IQGAP1: variants seen among roughly 807,000 people sequenced by gnomAD.
IQGAP1 encodes the protein ras GTPase-activating-like protein IQGAP1.
In IQGAP1, 66 loss-of-function variants were observed where a neutral mutation model predicts 215.6. That is an observed-to-expected ratio of 0.31 (90% confidence interval 0.25 to 0.38). The LOEUF is 0.38. Ranked by LOEUF, IQGAP1 falls within the 10% of genes least tolerant of loss-of-function variation. IQGAP1 has a pLI of 1.00. For synonymous variants in IQGAP1, 772 were observed against 728.7 expected, an observed-to-expected ratio of 1.06 and a Z score of -0.96; for missense variants, 1,712 against 1,997.1, an observed-to-expected ratio of 0.86 and a Z score of 2.72.
intron 2 of IQGAP1, among the ~76,000 whole-genome samples, chr15:90,407,277 T>C (rs1964893025): frequency 6.6e-6 from 1 of 152,180 alleles, no homozygotes; most frequent in African/African-American, 2.4e-5. Flanking sequence ...TAATTGGGAA[T>C]ACTGAGGCTA....
At chr15:90,426,637 T>C (rs1238677024) in intron 3 of IQGAP1, among the ~76,000 whole-genome samples, 1 of 152,036 alleles carries the variant, frequency 6.6e-6, no homozygotes, top group African/African-American at 2.4e-5. Context: ...GTAGAAGAAA[T>C]AACTAGGGGA....
chr15:90,466,611 C>A (rs187879844), intron 17 of IQGAP1, among the ~76,000 whole-genome samples, 175 bp downstream of exon 17: 23 of 150,872 alleles, frequency 1.5e-4, no homozygotes, highest in African/African-American at 5.2e-4. Flanking sequence ...CTTCCCCCCC[C>A]CCTTGTGGAC....
At chr15:90,432,590 A>G (rs148517733) in intron 4 of IQGAP1, among the ~76,000 whole-genome samples, 126 of 152,292 alleles carry the variant, frequency 8.3e-4, no homozygotes, top group East Asian at 7.5e-3. Flanking sequence ...GTTATTTTCT[A>G]GAACGTATTC....
chr15:90,498,409 T>A (rs950138151), intron 37 of IQGAP1, among the ~76,000 whole-genome samples: 2 of 152,194 alleles, frequency 1.3e-5, no homozygotes, highest in Non-Finnish European at 2.9e-5. Context: ...ACCAAATTAT[T>A]TTTTTAATTT....
In IQGAP1 at chr15:90,390,788, G is replaced by C; in HGVS notation, c.70G>C (p.Glu24Gln). The change falls in exon 2 of 38, where the codon GAA becomes CAA. Residue 24 changes from glutamate to glutamine, a missense_variant. By Grantham distance (29) the Glu-to-Gln change is conservative (BLOSUM62 2). Transcript: ENST00000268182. ...TTATGTTGTAGCTGTCCTGGATAAT[G>C]AAAGACTTACTGCAGAGGAGATGGA... The part of the protein sequence containing the change: ...RPHYGSVLDN[E>Q]RLTAEEMDER... 6.2e-7 allele frequency: 1 copy of C among 1,610,298 alleles called. No homozygotes were observed. The highest frequency in any genetic ancestry group is 8.5e-7 in the Non-Finnish European group (1 of 1,176,546).
At chr15:90,496,541 G>T (rs1966277074) in intron 36 of IQGAP1, among the ~76,000 whole-genome samples, 1 of 151,874 alleles carries the variant, frequency 6.6e-6, no homozygotes, top group African/African-American at 2.4e-5. Flanking sequence ...GGCCAGGATG[G>T]CCTCGATCTG....
intron 18 of IQGAP1, among the ~76,000 whole-genome samples, chr15:90,472,508 G>A (rs1012895294): frequency 1.3e-5 from 2 of 152,158 alleles, no homozygotes; most frequent in African/African-American, 4.8e-5. Context: ...TTGGGTACCT[G>A]TCACTCTGTT....
intron 2 of IQGAP1, among the ~76,000 whole-genome samples, chr15:90,413,509 G>A (rs1191198307): frequency 6.6e-6 from 1 of 152,158 alleles, no homozygotes; most frequent in African/African-American, 2.4e-5. Flanking sequence ...GACCATATTA[G>A]CCAATAGGTC....
At chr15:90,406,525 T>C (rs1323262594) in intron 2 of IQGAP1, among the ~76,000 whole-genome samples, 1 of 152,240 alleles carries the variant, frequency 6.6e-6, no homozygotes, top group Non-Finnish European at 1.5e-5. Context: ...TTGTACAACA[T>C]TGTGAATATT....
intron 17 of IQGAP1, 77 bp downstream of exon 17, chr15:90,466,513 A>T: frequency 7.1e-7 from 1 of 1,411,034 alleles, no homozygotes; most frequent in South Asian, 1.2e-5. Flanking sequence ...GAGGAAAGGG[A>T]TAAGCTATAG....
chr15:90,426,221 A>C lies in IQGAP1; in HGVS notation c.267A>C (p.Val89=). ...TGGGGAACTTCTTCTCTCCCAAAGT[A>C]GTGTCCCTGAAAAAAATCTATGATC... ...AKLGNFFSPK[V]VSLKKIYDRE... The change falls in exon 3 of 38, where the codon GTA becomes GTC. Residue 89 remains valine, a synonymous_variant. Coordinates refer to ENST00000268182, the MANE Select transcript of IQGAP1 (RefSeq NM_003870.4). 6.2e-7 allele frequency: 1 copy of C among 1,604,694 alleles called. No individual in the cohort carries two copies. Among genetic ancestry groups the C allele is most frequent in the Non-Finnish European group, 8.5e-7 (1 of 1,177,298 alleles).
chr15:90,437,482 T>C (rs947563443), intron 5 of IQGAP1, among the ~76,000 whole-genome samples: 5 of 152,048 alleles, frequency 3.3e-5, no homozygotes, highest in Non-Finnish European at 7.4e-5. Flanking sequence ...GTGAGAAAAA[T>C]ATATAAAAAA....
intron 2 of IQGAP1, among the ~76,000 whole-genome samples, chr15:90,407,601 A>C (rs969426059): frequency 2.4e-4 from 36 of 152,228 alleles, no homozygotes; most frequent in African/African-American, 8.4e-4. Context: ...AGTTTAATGG[A>C]AGATTGTTAT....
intron 2 of IQGAP1, among the ~76,000 whole-genome samples, chr15:90,407,899 A>G (rs1217715437): frequency 6.6e-6 from 1 of 152,270 alleles, no homozygotes; most frequent in East Asian, 1.9e-4. Context: ...AAGACAGGGC[A>G]TAAACATTTG....
At chr15:90,456,063 A>T in intron 14 of IQGAP1, 89 bp from the exon 15 acceptor site, 2 of 1,114,508 alleles carry the variant, frequency 1.8e-6, no homozygotes, top group South Asian at 1.5e-5. Context: ...TCTTAGGTGG[A>T]TTTATGATTA....
chr15:90,428,355 G>T (rs539589762), intron 3 of IQGAP1, among the ~76,000 whole-genome samples: 129 of 152,246 alleles, frequency 8.5e-4, no homozygotes, highest in Non-Finnish European at 1.4e-3. Flanking sequence ...AGGATTACAG[G>T]CATGAGCCAC....
chr15:90,494,165 T>C (rs924207136), intron 35 of IQGAP1: 5 of 152,286 alleles, frequency 3.3e-5, no homozygotes, highest in Middle Eastern at 3.2e-3. Context: ...CTTGTACATA[T>C]GTCATTTTGC....
Position 90,483,483 on chromosome 15 carries a change from C to G in IQGAP1, c.3678C>G (p.Gly1226=), listed in dbSNP as rs1174300543. ...CCACAGACCAACGCCGAAATCTGGGCTCCATTGCAAAAATGCTTCAGCATG... is the reference window on the plus strand; with the variant it reads ...CCACAGACCAACGCCGAAATCTGGGGTCCATTGCAAAAATGCTTCAGCATG... ...QLTTDQRRNL[G]SIAKMLQHAA... The change falls in exon 29 of 38, where the codon GGC becomes GGG. Residue 1226 remains glycine, a synonymous_variant. Transcript: ENST00000268182. 1 of 1,614,182 alleles carries G rather than the reference C, an allele frequency of 6.2e-7. No individual in the cohort carries two copies. Among genetic ancestry groups the G allele is most frequent in the South Asian group, 1.1e-5 (1 of 91,084 alleles).
chr15:90,487,215 T>A, intron 32 of IQGAP1, 126 bp downstream of exon 32: 1 of 865,908 alleles, frequency 1.2e-6, no homozygotes, highest in Admixed American at 2.2e-5. Flanking sequence ...ATAATCCCAG[T>A]CACCAATCAC....
Sources: gnomAD v4.1 joint callset for allele counts (sites outside exome capture counted in the v4.1 genomes callset) on GRCh38, gnomAD v4.1.1 for gene constraint, MANE v1.5 for transcripts, NCBI Gene and HGNC (gene_info 2026-07-23, HGNC 2026-07-21) for gene names.